Variants in TEX11 observed in about 807,000 individuals in gnomAD.
The protein encoded by TEX11 is testis expressed 11, also known as testis-expressed protein 11.
TEX11 carries 7 observed loss-of-function variants against 84.4 expected under a neutral mutation model. The observed-to-expected ratio is 0.08, with a 90% CI of 0.05 to 0.16. The LOEUF (loss-of-function observed/expected upper bound fraction) is 0.16. Among genes scored for constraint, TEX11 ranks in the 10% least tolerant of loss-of-function variants. TEX11 has a pLI of 1.00. For synonymous variants in TEX11, 264 were observed against 222.8 expected (o/e 1.18, Z -1.64); for missense variants, 551 against 660.5 (o/e 0.83, Z 1.82).
At chrX:70,752,938 G>A (rs1302825173) in intron 9 of TEX11, among the ~76,000 whole-genome samples, 20 of 110,297 alleles carry the variant, frequency 1.8e-4, no homozygotes, top group African/African-American at 6.3e-4. Context: ...TGAACTCACT[G>A]CTGCTCCATT....
At chrX:70,758,803 C>A (rs982282269) in intron 9 of TEX11, among the ~76,000 whole-genome samples, 2 of 111,497 alleles carry the variant, frequency 1.8e-5, no homozygotes, top group African/African-American at 6.5e-5. Context: ...ACACAAAAAA[C>A]CCTTCAAAAA....
chrX:70,812,498 C>G (rs1017691713), intron 8 of TEX11, among the ~76,000 whole-genome samples: 1 of 111,235 alleles, frequency 9.0e-6, no homozygotes, highest in African/African-American at 3.3e-5. Flanking sequence ...TGAGCCACCG[C>G]GCCTGGCCCT....
At chrX:70,725,141 C>T (rs781511838) in intron 12 of TEX11, 121 bp downstream of exon 12, 51 of 378,721 alleles carry the variant, frequency 1.3e-4, no homozygotes, top group Non-Finnish European at 2.0e-4. Flanking sequence ...CCTGGGTGAT[C>T]ATTTTCCTTC....
chrX:70,717,285 A>T (rs780952190), intron 13 of TEX11, among the ~76,000 whole-genome samples: 1 of 110,617 alleles, frequency 9.0e-6, no homozygotes, highest in South Asian at 3.8e-4. Context: ...GAACTACATT[A>T]GCTTAGTCCA....
intron 25 of TEX11, among the ~76,000 whole-genome samples, chrX:70,588,456 C>T (rs894621704): frequency 1.8e-5 from 2 of 111,587 alleles, no homozygotes; most frequent in Non-Finnish European, 3.8e-5. Flanking sequence ...TCACTCGGCA[C>T]TTCTCCTTCC....
chrX:70,516,607 C>CT, the TEX11 span, among the ~76,000 whole-genome samples: 1 of 111,539 alleles, frequency 9.0e-6, no homozygotes, highest in Non-Finnish European at 1.9e-5. Context: ...AATGCGGGCT[C>CT]TTTTTTGGTT....
intron 9 of TEX11, 32 bp from the exon 10 acceptor site, chrX:70,744,251 T>A: frequency 1.6e-6 from 1 of 619,900 alleles, no homozygotes; most frequent in African/African-American, 2.4e-5. Flanking sequence ...AATATATATA[T>A]ATATATAAAC....
chrX:70,549,365 CCTT>C (rs1192728115), intron 28 of TEX11, among the ~76,000 whole-genome samples: 1 of 110,875 alleles, frequency 9.0e-6, no homozygotes, highest in Admixed American at 9.6e-5. Flanking sequence ...AGGAGAGACT[CCTT>C]CTGCTTGAGA....
At position 70,559,795 on chromosome X, in the gene TEX11, A is replaced by G. The variant is rs183293837; in HGVS notation, c.2141-4995T>C. Reference sequence around the variant, plus strand: ...TTGTTTCAAATTTTTAGTTCTATGAATAGAGCTGTCTTGAACATTCTTGTA... The same window carrying G: ...TTGTTTCAAATTTTTAGTTCTATGAGTAGAGCTGTCTTGAACATTCTTGTA... On this transcript the variant is annotated intron_variant, in intron 25 of 29. Transcript: ENST00000374333. Among the ~76,000 whole-genome samples, 22 of 112,259 alleles carry G rather than the reference A, an allele frequency of 2.0e-4. No homozygotes were observed. The East Asian group carries it at 5.3e-3, about 27-fold the overall frequency.
At chrX:70,844,988 A>G (rs992408326) in intron 7 of TEX11, among the ~76,000 whole-genome samples, 1 of 111,047 alleles carries the variant, frequency 9.0e-6, no homozygotes, top group Non-Finnish European at 1.9e-5. Context: ...AGAAGTACAC[A>G]TTTTCTAAAA....
chrX:70,686,056 A>C (rs771915658), intron 13 of TEX11, among the ~76,000 whole-genome samples: 1 of 111,582 alleles, frequency 9.0e-6, no homozygotes, highest in Non-Finnish European at 1.9e-5. Context: ...TTTGCTGTGC[A>C]GAAGCTCTTC....
At chrX:70,626,421 G>T (rs1223391935) in intron 18 of TEX11, among the ~76,000 whole-genome samples, 3 of 109,523 alleles carry the variant, frequency 2.7e-5, no homozygotes, top group Non-Finnish European at 3.8e-5. Flanking sequence ...TCTGTCTACC[G>T]CCTCTTACCT....
At chrX:70,900,207 A>G (rs1041527733) in intron 2 of TEX11, among the ~76,000 whole-genome samples, 2 of 106,212 alleles carry the variant, frequency 1.9e-5, no homozygotes, top group Non-Finnish European at 3.9e-5. Context: ...ATTAGTTAAA[A>G]TAAAAATACA....
chrX:70,756,019 G>A (rs1050918764), intron 9 of TEX11, among the ~76,000 whole-genome samples: 5 of 112,367 alleles, frequency 4.4e-5, no homozygotes, highest in East Asian at 5.7e-4. Context: ...ATCAACCTGC[G>A]GCTCAGCAGC....
At chrX:70,545,129 C>T (rs1234245652) in intron 28 of TEX11, among the ~76,000 whole-genome samples, 2 of 107,709 alleles carry the variant, frequency 1.9e-5, no homozygotes, top group Admixed American at 1.0e-4. Flanking sequence ...TGCTTGAACC[C>T]GGGAGGCAGA....
At chrX:70,615,001 C>T (rs2089302059) in intron 20 of TEX11, among the ~76,000 whole-genome samples, 1 of 111,107 alleles carries the variant, frequency 9.0e-6, no homozygotes, top group Admixed American at 9.6e-5. Flanking sequence ...CTTGTGGTGT[C>T]CCCTAATGCA....
At chrX:70,601,533 TC>T (rs2089111378) in intron 24 of TEX11, among the ~76,000 whole-genome samples, 1 of 44,929 alleles carries the variant, frequency 2.2e-5, no homozygotes, top group Non-Finnish European at 4.2e-5. Flanking sequence ...CCAGCATCAT[TC>T]TTTTTTTTTT....
the TEX11 span, among the ~76,000 whole-genome samples, chrX:70,516,672 CT>C: frequency 9.0e-6 from 1 of 110,681 alleles, no homozygotes; most frequent in Non-Finnish European, 1.9e-5. Flanking sequence ...TCATTGGTAG[CT>C]TGATGGGGAT....
intron 2 of TEX11, among the ~76,000 whole-genome samples, chrX:70,904,831 TATTG>T (rs1315325253): frequency 1.9e-4 from 22 of 112,936 alleles, no homozygotes; most frequent in Admixed American, 1.4e-3. Flanking sequence ...ATAATTTGTA[TATTG>T]ATTATGTTAT....
Sources: gnomAD v4.1 joint callset for allele counts (sites outside exome capture counted in the v4.1 genomes callset) on GRCh38, gnomAD v4.1.1 for gene constraint, MANE v1.5 for transcripts, NCBI Gene and HGNC (gene_info 2026-07-23, HGNC 2026-07-21) for gene names.